KIF21A: variants seen among roughly 807,000 people sequenced by gnomAD.
KIF21A encodes kinesin family member 21A, also known as kinesin-like protein KIF21A.
Under a neutral mutation model 202.9 loss-of-function variants are expected in KIF21A, and 114 were observed. The ratio of observed to expected loss-of-function variants is 0.56; its 90% confidence interval spans 0.48 to 0.66. KIF21A has a LOEUF of 0.66. Among genes scored for constraint, KIF21A ranks in the 30% least tolerant of loss-of-function variants. KIF21A has a pLI of 0.00. For missense variants in KIF21A, 1,677 were observed against 1,994.9 expected, an observed-to-expected ratio of 0.84 and a Z score of 3.04; for synonymous variants, 667 against 670.8, an observed-to-expected ratio of 0.99 and a Z score of 0.09.
At chr12:39,435,748 A>T (rs1938601012) in intron 1 of KIF21A, among the ~76,000 whole-genome samples, 1 of 151,516 alleles carries the variant, frequency 6.6e-6, no homozygotes, top group African/African-American at 2.4e-5. Flanking sequence ...CTGTTGGAGT[A>T]AAGTATTAAG....
chr12:39,339,047 G>A (rs1390316442), intron 16 of KIF21A, among the ~76,000 whole-genome samples: 10 of 152,142 alleles, frequency 6.6e-5, no homozygotes, highest in Admixed American at 5.2e-4. Flanking sequence ...GGGAGGTCGA[G>A]GTTAGTGGAT....
At chr12:39,332,151 G>A in intron 21 of KIF21A, 63 bp downstream of exon 21, 1 of 1,463,310 alleles carries the variant, frequency 6.8e-7, no homozygotes, top group African/African-American at 1.4e-5. Flanking sequence ...AAAGTGCTTT[G>A]AACAATAAAC....
chr12:39,327,510 T>C (rs1289736690), intron 24 of KIF21A, among the ~76,000 whole-genome samples: 1 of 152,242 alleles, frequency 6.6e-6, no homozygotes, highest in African/African-American at 2.4e-5. Context: ...ACCTAGCCTC[T>C]GTTTTCCATG....
chr12:39,311,853 G>A (rs1198459901), intron 31 of KIF21A: 1 of 328,802 alleles, frequency 3.0e-6, no homozygotes, highest in Non-Finnish European at 5.8e-6. Flanking sequence ...GCCACAATGG[G>A]AATTATTTGA....
At position 39,358,158 on chromosome 12, in the gene KIF21A, A is replaced by C. The variant is rs376955065; in HGVS notation, c.1215+20T>G. Reference sequence around the variant, plus strand: ...GCCTTAGATGTATCACAAAATGCAAAGTCAAACTCATTAGCTTACTGTTTT... The same window carrying C: ...GCCTTAGATGTATCACAAAATGCAACGTCAAACTCATTAGCTTACTGTTTT... On this transcript the variant is annotated intron_variant, in intron 8 of 37. Transcript: ENST00000361418. 4 of 1,610,782 alleles carry C rather than the reference A, an allele frequency of 2.5e-6. No homozygotes were observed. The highest frequency in any genetic ancestry group is 2.5e-6 in the Non-Finnish European group (3 of 1,176,996).
intron 26 of KIF21A, among the ~76,000 whole-genome samples, chr12:39,325,474 G>A (rs1185537750): frequency 6.7e-6 from 1 of 149,620 alleles, no homozygotes; most frequent in Non-Finnish European, 1.5e-5. Context: ...TGGGACTACA[G>A]GCACCTACCA....
intron 24 of KIF21A, among the ~76,000 whole-genome samples, chr12:39,326,930 A>C (rs1033065337): frequency 6.6e-6 from 1 of 152,218 alleles, no homozygotes; most frequent in African/African-American, 2.4e-5. Flanking sequence ...AGCTCTGTAA[A>C]CTAATACAAA....
At position 39,370,170 on chromosome 12, in the gene KIF21A, C is replaced by G; in HGVS notation, c.136G>C (p.Asp46His). The change falls in exon 2 of 38, where the codon GAT (aspartate) becomes CAT (histidine). Residue 46 changes from aspartate to histidine, a missense_variant. Transcript: ENST00000361418. ...ACATAGTCAAAAGTAAAAGCCTTAT[C>G]TTTCCCTAGGAAGACCTGAGGCTCT... is the stretch of plus-strand genomic sequence containing the variant. Reference protein sequence around the residue: ...PGEPQVFLGKDKAFTFDYVFD... With the variant: ...PGEPQVFLGKHKAFTFDYVFD... 1.2e-6 allele frequency: 2 copies of G among 1,613,600 alleles called. No homozygotes were observed. Among genetic ancestry groups the G allele is most frequent in the Non-Finnish European group, 1.7e-6 (2 of 1,179,658 alleles).
chr12:39,418,073 T>A (rs1028927688), intron 1 of KIF21A, among the ~76,000 whole-genome samples: 2 of 151,828 alleles, frequency 1.3e-5, no homozygotes, highest in Middle Eastern at 6.8e-3. Context: ...TCAAGCGTGG[T>A]GGTGTATGCC....
chr12:39,356,484 G>GGATGCCGT, intron 10 of KIF21A: 1 of 184,556 alleles, frequency 5.4e-6, no homozygotes, highest in Non-Finnish European at 1.1e-5. Flanking sequence ...TGTAGATATT[G>GGATGCCGT]ATCTATTCCC....
chr12:39,369,736 A>C lies in KIF21A; in HGVS notation c.443T>G (p.Phe148Cys). Residue 148 changes from phenylalanine (F) to cysteine (C), a missense_variant, in exon 3 of 38, where the codon TTC becomes TGC. Physicochemically the swap from Phe to Cys is radical, Grantham distance 205 (BLOSUM62 -2). Around this residue, in one of 3 missense-constraint regions of KIF21A, gnomAD observed 966 missense variants for 1,180.9 expected, o/e 0.82. Transcript: ENST00000361418. ...CCAAAATTGGATTATTACCTCTAAGAATTGGGCATTCACTTTAAAATCTGG... is the reference window on the plus strand; with the variant it reads ...CCAAAATTGGATTATTACCTCTAAGCATTGGGCATTCACTTTAAAATCTGG... ...PAPDFKVNAQFLELYNEEVLD... is the reference protein window; with the variant it reads ...PAPDFKVNAQCLELYNEEVLD... 1 of 1,611,982 alleles carries C rather than the reference A, an allele frequency of 6.2e-7. No homozygotes were observed. The highest frequency in any genetic ancestry group is 8.5e-7 in the Non-Finnish European group (1 of 1,179,140).
At chr12:39,415,400 C>G (rs1015603861) in intron 1 of KIF21A, among the ~76,000 whole-genome samples, 1 of 151,698 alleles carries the variant, frequency 6.6e-6, no homozygotes, top group Non-Finnish European at 1.5e-5. Context: ...CCACCACGCC[C>G]GGCTAATTTT....
chr12:39,423,516 C>T (rs1357293968), intron 1 of KIF21A, among the ~76,000 whole-genome samples: 2 of 151,780 alleles, frequency 1.3e-5, no homozygotes, highest in African/African-American at 2.4e-5. Context: ...AATTCCACAG[C>T]TTCTTACCCT....
At position 39,332,402 on chromosome 12, in the gene KIF21A, C is replaced by T; in HGVS notation, c.2863G>A (p.Glu955Lys). The change falls in exon 21 of 38, where the codon GAG becomes AAG. Residue 955 changes from glutamate to lysine, a missense_variant. This residue lies in a region of KIF21A where 966 missense variants were observed against 1,180.9 expected (regional missense o/e 0.82). Coordinates refer to ENST00000361418, the MANE Select transcript of KIF21A (RefSeq NM_001173464.2). Reference protein sequence around the residue: ...ADMNRLLKQREELTKRREKLS... With the variant: ...ADMNRLLKQRKELTKRREKLS... ...TTCTCTCGTCTTTTTGTGAGTTCCT[C>T]CCGTTGCTATTGAGAAAGCAGGTTG... 1 of 1,613,776 alleles carries T rather than the reference C, an allele frequency of 6.2e-7. No homozygotes were observed. Among genetic ancestry groups the T allele is most frequent in the South Asian group, 1.1e-5 (1 of 91,064 alleles).
At chr12:39,357,562 GC>G in intron 8 of KIF21A, 125 bp from the exon 9 acceptor site, 1 of 777,580 alleles carries the variant, frequency 1.3e-6, no homozygotes, top group South Asian at 1.4e-5. Context: ...CAACCCCAAG[GC>G]AAAAGAAATC....
At chr12:39,307,850 A>G in intron 33 of KIF21A, 121 bp from the exon 34 acceptor site, 2 of 760,378 alleles carry the variant, frequency 2.6e-6, no homozygotes, top group Non-Finnish European at 2.3e-6. Context: ...TTTTGTCACT[A>G]TATGTATACT....
intron 1 of KIF21A, among the ~76,000 whole-genome samples, chr12:39,393,343 C>T (rs1001259813): frequency 6.6e-6 from 1 of 152,086 alleles, no homozygotes; most frequent in Admixed American, 6.5e-5. Context: ...GTAGCAGAAC[C>T]CAGCAGGGCA....
Position 39,357,293 on chromosome 12 carries a change from T to C in KIF21A, c.1360A>G (p.Thr454Ala), listed in dbSNP as rs771402953. The change falls in exon 9 of 38, where the codon ACA becomes GCA. Residue 454 changes from threonine (T) to alanine (A), a missense_variant. Thr to Ala is a moderately conservative substitution (Grantham distance 58). This residue lies in a region of KIF21A where 966 missense variants were observed against 1,180.9 expected (regional missense o/e 0.82). Coordinates refer to ENST00000361418, the MANE Select transcript of KIF21A (RefSeq NM_001173464.2). ...ETVDALRSRI[T>A]QLVSDQANHV... is the part of the protein sequence containing the mutation. Reference sequence around the variant, plus strand: ...TTGGCCTGATCACTAACAAGCTGTGTAATTCTGGACCTCAATGCATCAACC... The same window carrying C: ...TTGGCCTGATCACTAACAAGCTGTGCAATTCTGGACCTCAATGCATCAACC... The C allele has an allele frequency of 5.0e-6, 8 of 1,614,166 alleles. No homozygotes were observed. Among genetic ancestry groups the C allele is most frequent in the South Asian group, 2.2e-5 (2 of 91,086 alleles).
intron 12 of KIF21A, among the ~76,000 whole-genome samples, chr12:39,342,654 AGT>A (rs1443617021): frequency 6.6e-6 from 1 of 152,184 alleles, no homozygotes; most frequent in Non-Finnish European, 1.5e-5. Flanking sequence ...TCCTTCAGGT[AGT>A]GGCACAGGCT....
Sources: allele counts gnomAD v4.1 joint callset (sites outside exome capture counted in the v4.1 genomes callset), GRCh38; gene constraint gnomAD v4.1.1; regional missense constraint gnomAD v4.1.1; transcripts MANE v1.5; gene names NCBI Gene and HGNC (gene_info 2026-07-23, HGNC 2026-07-21).